The following NCKAP5 variants were observed in gnomAD, a reference collection of about 807,000 sequenced individuals.
The protein encoded by NCKAP5 is nck-associated protein 5.
Under a neutral mutation model 167.0 loss-of-function variants are expected in NCKAP5, and 92 were observed. The ratio of observed to expected loss-of-function variants is 0.55; its 90% CI spans 0.47 to 0.66. The LOEUF is 0.66. Among genes scored for constraint, NCKAP5 ranks in the 30% least tolerant of loss-of-function variants. NCKAP5 has a pLI of 0.00. For missense variants in NCKAP5, 2,378 were observed against 2,315.0 expected, an observed-to-expected ratio of 1.03 and a Z score of -0.56; for synonymous variants, 891 against 877.4, an observed-to-expected ratio of 1.02 and a Z score of -0.27.
rs1383652455 is a variant in NCKAP5 at position 132,745,538 on chromosome 2, G to A, written c.5129-13487C>T. Among the ~76,000 whole-genome samples the A allele has an allele frequency of 2.3e-4, 35 of 151,838 alleles. 1 individual carries two copies. The highest frequency in any genetic ancestry group is 2.1e-3 in the Admixed American group (32 of 15,228). On this transcript the variant is annotated intron_variant, in intron 16 of 19. Transcript: ENST00000409261. Reference sequence around the variant, plus strand: ...GAATGTTCCCCCACTAAGACTGAGAGCATGTTAAGAATGTTAGCTCTTACC... The same window carrying A: ...GAATGTTCCCCCACTAAGACTGAGAACATGTTAAGAATGTTAGCTCTTACC...
At chr2:132,968,433 C>T (rs1046597329) in intron 7 of NCKAP5, among the ~76,000 whole-genome samples, 1 of 152,198 alleles carries the variant, frequency 6.6e-6, no homozygotes, top group Non-Finnish European at 1.5e-5. Context: ...GCCCTGAATT[C>T]AGTGCTTAGA....
chr2:132,808,870 T>C (rs2105251079), intron 11 of NCKAP5, among the ~76,000 whole-genome samples: 1 of 152,270 alleles, frequency 6.6e-6, no homozygotes, highest in East Asian at 1.9e-4. Context: ...GAGTATCAGT[T>C]TGTGCCCTTT....
At chr2:133,548,242 C>T (rs1354146239) in intron 2 of NCKAP5, among the ~76,000 whole-genome samples, 4 of 152,048 alleles carry the variant, frequency 2.6e-5, no homozygotes, top group African/African-American at 4.8e-5. Context: ...AAGACCAAAT[C>T]TACATCTGAT....
chr2:133,467,032 A>T (rs1453504675), intron 3 of NCKAP5, among the ~76,000 whole-genome samples: 1 of 151,930 alleles, frequency 6.6e-6, no homozygotes, highest in Non-Finnish European at 1.5e-5. Flanking sequence ...CCTGGCCAGA[A>T]CTTCCAACAT....
chr2:133,652,695 A>G, the NCKAP5 span, among the ~76,000 whole-genome samples: 2 of 152,246 alleles, frequency 1.3e-5, no homozygotes, highest in Non-Finnish European at 2.9e-5. Context: ...AAGCACAGAC[A>G]GGTCGTCTCT....
chr2:133,637,956 C>G, the NCKAP5 span, among the ~76,000 whole-genome samples: 1 of 152,034 alleles, frequency 6.6e-6, no homozygotes, highest in Non-Finnish European at 1.5e-5. Context: ...AAATGTATAA[C>G]CTTAAAATCA....
At chr2:132,694,139 T>TTTATTTA (rs1558932137) in intron 19 of NCKAP5, among the ~76,000 whole-genome samples, 1 of 107,960 alleles carries the variant, frequency 9.3e-6, no homozygotes, top group Non-Finnish European at 1.9e-5. Flanking sequence ...TTATTTATTT[T>TTTATTTA]TTGAATTTCT....
chr2:133,632,587 G>A, the NCKAP5 span, among the ~76,000 whole-genome samples: 50 of 152,274 alleles, frequency 3.3e-4, no homozygotes, highest in South Asian at 2.7e-3. Flanking sequence ...TAAGCTGGCC[G>A]TCTCTCAGCA....
intron 3 of NCKAP5, among the ~76,000 whole-genome samples, chr2:133,461,975 T>C (rs1357030637): frequency 6.6e-6 from 1 of 152,230 alleles, no homozygotes; most frequent in Non-Finnish European, 1.5e-5. Context: ...TTTTTGACCA[T>C]GAGTTCATGT....
chr2:133,512,633 A>T (rs1683593011), intron 3 of NCKAP5, among the ~76,000 whole-genome samples: 1 of 152,206 alleles, frequency 6.6e-6, no homozygotes, highest in South Asian at 2.1e-4. Context: ...CTTCAGAATT[A>T]CATCTAGTCA....
chr2:133,199,309 C>T (rs572633451), intron 5 of NCKAP5, among the ~76,000 whole-genome samples: 3 of 151,906 alleles, frequency 2.0e-5, no homozygotes, highest in South Asian at 4.1e-4. Context: ...AATATGCAAA[C>T]CAAAGAATGG....
chr2:133,045,519 G>C (rs1385505588), intron 6 of NCKAP5, among the ~76,000 whole-genome samples: 1 of 152,036 alleles, frequency 6.6e-6, no homozygotes, highest in African/African-American at 2.4e-5. Context: ...TCTTAATCTA[G>C]ATGTTGCGAA....
At chr2:132,910,267 A>G (rs1694343161) in intron 8 of NCKAP5, among the ~76,000 whole-genome samples, 1 of 151,766 alleles carries the variant, frequency 6.6e-6, no homozygotes, top group Non-Finnish European at 1.5e-5. Flanking sequence ...ATCCAATTAT[A>G]CTCTTTTAGT....
At chr2:133,211,291 T>C (rs1202530469) in intron 5 of NCKAP5, among the ~76,000 whole-genome samples, 1 of 152,112 alleles carries the variant, frequency 6.6e-6, no homozygotes, top group Non-Finnish European at 1.5e-5. Flanking sequence ...GATGCAGTAG[T>C]ATGATCATGG....
intron 5 of NCKAP5, among the ~76,000 whole-genome samples, chr2:133,153,264 C>A (rs2083444917): frequency 6.6e-6 from 1 of 151,908 alleles, no homozygotes; most frequent in Non-Finnish European, 1.5e-5. Flanking sequence ...CAAGAGGGAC[C>A]CTAATATAAA....
chr2:133,489,910 T>C (rs1458997997), intron 3 of NCKAP5, among the ~76,000 whole-genome samples: 1 of 152,182 alleles, frequency 6.6e-6, no homozygotes, highest in African/African-American at 2.4e-5. Context: ...ACCAACTCTG[T>C]AAATCTATGG....
rs146812129 is a variant in NCKAP5 at position 132,811,966 on chromosome 2, T to C, written c.808-15237A>G. ...GCCTTTCTGCTGCTTCTTCTACCCA[T>C]GTATTTCACTCAGCTCTCTAAATTG... On this transcript the variant is annotated intron_variant, in intron 11 of 19. Coordinates refer to ENST00000409261, the MANE Select transcript of NCKAP5 (RefSeq NM_207363.3). Among the ~76,000 whole-genome samples, 528 of 152,284 alleles carry C rather than the reference T, an allele frequency of 3.5e-3. 4 individuals are homozygous for C. The highest frequency in any genetic ancestry group is 0.012 in the African/African-American group (490 of 41,568).
chr2:133,189,191 G>T (rs1405643855), intron 5 of NCKAP5, among the ~76,000 whole-genome samples: 1 of 152,066 alleles, frequency 6.6e-6, no homozygotes, highest in Non-Finnish European at 1.5e-5. Context: ...TAGAAGAAAT[G>T]GATAAATTCC....
chr2:133,610,018 T>C, the NCKAP5 span, among the ~76,000 whole-genome samples: 3 of 152,174 alleles, frequency 2.0e-5, no homozygotes, highest in Non-Finnish European at 4.4e-5. Flanking sequence ...TTGATCCCAA[T>C]AGGAGGCAAA....
Sources: gnomAD v4.1 joint callset for allele counts (sites outside exome capture counted in the v4.1 genomes callset) on GRCh38, gnomAD v4.1.1 for gene constraint, MANE v1.5 for transcripts, NCBI Gene and HGNC (gene_info 2026-07-23, HGNC 2026-07-21) for gene names.